VMP1: variants seen among roughly 807,000 people sequenced by gnomAD.
The protein encoded by VMP1 is vacuole membrane protein 1, also known as ectopic P-granules autophagy protein 3 homolog.
Under a neutral mutation model 56.0 loss-of-function variants are expected in VMP1, and 11 were observed. That is an observed-to-expected ratio of 0.20 (90% CI 0.12 to 0.32). The LOEUF is 0.32. Among genes scored for constraint, VMP1 ranks in the 10% least tolerant of loss-of-function variants. The pLI, the probability that VMP1 is intolerant of heterozygous loss-of-function variation, is 1.00. For synonymous variants in VMP1, 149 were observed against 165.0 expected (o/e 0.90, Z 0.74); for missense variants, 296 against 490.3 (o/e 0.60, Z 3.74).
At chr17:59,722,181 T>G (rs894473097) in intron 1 of VMP1, among the ~76,000 whole-genome samples, 1 of 152,168 alleles carries the variant, frequency 6.6e-6, no homozygotes, top group African/African-American at 2.4e-5. Context: ...GGGGCACAAT[T>G]CAGCCCATTA....
At chr17:59,831,612 A>AT (rs34016289) in intron 10 of VMP1, among the ~76,000 whole-genome samples, 13,451 of 132,842 alleles carry the variant, frequency 0.1, 1,630 homozygotes, top group African/African-American at 0.29. Flanking sequence ...TTTTGAATGG[A>AT]TTTTTTTTTT....
intron 10 of VMP1, among the ~76,000 whole-genome samples, chr17:59,819,618 T>G (rs1267148172): frequency 6.6e-6 from 1 of 152,168 alleles, no homozygotes; most frequent in East Asian, 1.9e-4. Flanking sequence ...CACACCCAGC[T>G]AATTTTTGTA....
At chr17:59,727,429 TGGCC>T (rs2034653286) in intron 1 of VMP1, among the ~76,000 whole-genome samples, 1 of 152,152 alleles carries the variant, frequency 6.6e-6, no homozygotes, top group Non-Finnish European at 1.5e-5. Context: ...CCATCATGCC[TGGCC>T]CTGTTAGACT....
chr17:59,829,365 C>T (rs1396514172), intron 10 of VMP1, among the ~76,000 whole-genome samples: 1 of 152,110 alleles, frequency 6.6e-6, no homozygotes, highest in Non-Finnish European at 1.5e-5. Context: ...TGATAAACTC[C>T]CCCACCCTTT....
intron 5 of VMP1, among the ~76,000 whole-genome samples, chr17:59,744,253 G>A (rs2035336043): frequency 6.6e-6 from 1 of 151,484 alleles, no homozygotes; most frequent in Non-Finnish European, 1.5e-5. Context: ...CTGAGGTCAG[G>A]AATTTGAGAC....
Position 59,709,782 on chromosome 17 carries a change from T to G in VMP1, c.-27+2034T>G, listed in dbSNP as rs948139444. Among the ~76,000 whole-genome samples, 5 of 152,310 alleles carry G rather than the reference T, an allele frequency of 3.3e-5. No homozygotes were observed. The East Asian group carries it at 9.6e-4, about 29-fold the overall frequency. On this transcript the variant is annotated intron_variant, in intron 1 of 11. Transcript: ENST00000262291. Reference sequence around the variant, plus strand: ...GCATTCGGGAGTTTAAATCTGATCCTTTTTGGTCGTCATGTATTGTCACTT... The same window carrying G: ...GCATTCGGGAGTTTAAATCTGATCCGTTTTGGTCGTCATGTATTGTCACTT...
intron 5 of VMP1, among the ~76,000 whole-genome samples, chr17:59,756,373 C>T (rs932544939): frequency 3.3e-5 from 5 of 152,174 alleles, no homozygotes; most frequent in Non-Finnish European, 5.9e-5. Flanking sequence ...TCCAGACTAA[C>T]CACTGACTGC....
chr17:59,787,481 A>G (rs956940088), intron 7 of VMP1, among the ~76,000 whole-genome samples: 5 of 152,136 alleles, frequency 3.3e-5, no homozygotes, highest in African/African-American at 4.8e-5. Flanking sequence ...TTACATGCGC[A>G]TTTCTGTATT....
rs924515332 is a variant in VMP1, at chr17:59,841,489, A to G, written c.*1578A>G. On this transcript the variant is annotated 3_prime_UTR_variant, in exon 12 of 12. Coordinates refer to ENST00000262291, the MANE Select transcript of VMP1 (RefSeq NM_030938.5). ...TGCAGCAGTATGGAGGGAGGATTTT[A>G]TGGAGAAATGGGGATAGTCTTCATG... The G allele has an allele frequency of 6.0e-5, 14 of 234,932 alleles. No homozygotes were observed. Among genetic ancestry groups the G allele is most frequent in the Non-Finnish European group, 1.2e-4 (13 of 104,548 alleles). The allele number at this position is 234,932 out of a possible 1,614,324, so 14.6% of individuals were successfully genotyped here. A position where few individuals can be genotyped will look rare whatever the true frequency, so the allele number is the denominator to read the frequency against.
intron 5 of VMP1, among the ~76,000 whole-genome samples, chr17:59,763,338 A>T (rs971092765): frequency 2.0e-5 from 3 of 152,086 alleles, no homozygotes; most frequent in African/African-American, 7.2e-5. Flanking sequence ...TGTAGATTTC[A>T]TGGTTAATCA....
At chr17:59,793,978 T>G (rs2037333608) in intron 7 of VMP1, among the ~76,000 whole-genome samples, 2 of 151,628 alleles carry the variant, frequency 1.3e-5, no homozygotes, top group South Asian at 4.2e-4. Context: ...TGGAGTGCAG[T>G]GGCACAATCT....
intron 5 of VMP1, among the ~76,000 whole-genome samples, chr17:59,743,399 T>C (rs535567446): frequency 6.6e-6 from 1 of 152,104 alleles, no homozygotes; most frequent in Non-Finnish European, 1.5e-5. Context: ...GCAATATACA[T>C]TTAAGGTTTT....
At chr17:59,831,115 C>T (rs1160714396) in intron 10 of VMP1, among the ~76,000 whole-genome samples, 1 of 152,168 alleles carries the variant, frequency 6.6e-6, no homozygotes, top group African/African-American at 2.4e-5. Context: ...CATGAGCCAC[C>T]CTATCCTGCC....
intron 1 of VMP1, among the ~76,000 whole-genome samples, chr17:59,717,618 A>G (rs1201497699): frequency 2.0e-5 from 3 of 152,118 alleles, no homozygotes; most frequent in Non-Finnish European, 4.4e-5. Flanking sequence ...CCTGGCCTCA[A>G]ACGATCCTCC....
chr17:59,789,821 C>T, intron 7 of VMP1, among the ~76,000 whole-genome samples: 1 of 137,622 alleles, frequency 7.3e-6, no homozygotes. Flanking sequence ...TCCTTCCTTC[C>T]TTTCTTTCTT....
intron 1 of VMP1, among the ~76,000 whole-genome samples, chr17:59,731,082 T>C (rs1331083784): frequency 6.6e-6 from 1 of 152,202 alleles, no homozygotes; most frequent in Non-Finnish European, 1.5e-5. Flanking sequence ...GACTTTATAG[T>C]GTGTTAACAT....
At chr17:59,795,775 T>A (rs1484960667) in intron 7 of VMP1, among the ~76,000 whole-genome samples, 1 of 152,162 alleles carries the variant, frequency 6.6e-6, no homozygotes, top group African/African-American at 2.4e-5. Flanking sequence ...ATAAAATAAA[T>A]CAGGCAAGAT....
intron 9 of VMP1, among the ~76,000 whole-genome samples, chr17:59,817,427 C>T (rs527291161): frequency 2.0e-5 from 3 of 151,456 alleles, no homozygotes; most frequent in Admixed American, 6.6e-5. Flanking sequence ...TCTTGGCTCA[C>T]TGCCACCTCC....
intron 7 of VMP1, among the ~76,000 whole-genome samples, chr17:59,789,788 TTCTC>T (rs2037152744): frequency 1.3e-5 from 2 of 151,722 alleles, no homozygotes; most frequent in Non-Finnish European, 1.5e-5. Flanking sequence ...CTGCAGTTCT[TTCTC>T]TTTCTTTTCT....
Sources: allele counts gnomAD v4.1 joint callset (sites outside exome capture counted in the v4.1 genomes callset), GRCh38; gene constraint gnomAD v4.1.1; transcripts MANE v1.5; gene names NCBI Gene and HGNC (gene_info 2026-07-23, HGNC 2026-07-21).